The following SUSD5 variants were observed in gnomAD, a reference collection of about 807,000 sequenced individuals.
SUSD5 encodes sushi domain-containing protein 5.
Under a neutral mutation model 29.5 loss-of-function variants are expected in SUSD5, and 33 were observed. The observed-to-expected ratio is 1.12, with a 90% CI of 0.85 to 1.49. The LOEUF is 1.49. SUSD5 is among the 40% of genes most tolerant of loss of function. The pLI is 0.00. For synonymous variants in SUSD5, 308 were observed against 325.3 expected, an observed-to-expected ratio of 0.95 and a Z score of 0.57; for missense variants, 776 against 800.6, an observed-to-expected ratio of 0.97 and a Z score of 0.37.
intron 4 of SUSD5, among the ~76,000 whole-genome samples, 159 bp downstream of exon 4, chr3:33,174,727 G>A (rs141693082): frequency 2.4e-4 from 37 of 152,340 alleles, no homozygotes; most frequent in Non-Finnish European, 4.3e-4. Flanking sequence ...ATCCCCAAGT[G>A]GAGATGTTGC....
At chr3:33,206,955 C>T (rs2032232933) in intron 3 of SUSD5, among the ~76,000 whole-genome samples, 1 of 152,132 alleles carries the variant, frequency 6.6e-6, no homozygotes, top group African/African-American at 2.4e-5. Flanking sequence ...CAAGAAGAAC[C>T]TGTGCTCGTT....
At chr3:33,193,676 A>G (rs1185041149) in intron 3 of SUSD5, among the ~76,000 whole-genome samples, 1 of 151,996 alleles carries the variant, frequency 6.6e-6, no homozygotes, top group African/African-American at 2.4e-5. Flanking sequence ...TGAGGGTGAA[A>G]CCACCTTTGC....
At chr3:33,161,884 T>C (rs190593276) in intron 4 of SUSD5, among the ~76,000 whole-genome samples, 3 of 152,288 alleles carry the variant, frequency 2.0e-5, no homozygotes, top group Admixed American at 6.5e-5. Context: ...TCCATGATCA[T>C]AGTGAGATAT....
intron 1 of SUSD5, among the ~76,000 whole-genome samples, chr3:33,216,763 G>A (rs1284426085): frequency 1.3e-5 from 2 of 152,070 alleles, no homozygotes; most frequent in Middle Eastern, 3.4e-3. Flanking sequence ...TCTTCCTCCC[G>A]TCACCATAGC....
intron 3 of SUSD5, among the ~76,000 whole-genome samples, chr3:33,177,831 C>A (rs750346894): frequency 6.6e-6 from 1 of 152,048 alleles, no homozygotes; most frequent in East Asian, 1.9e-4. Context: ...GCAGAACGTG[C>A]GGGTTTGTTA....
Position 33,204,556 on chromosome 3 carries a change from C to T in SUSD5, c.409+3252G>A, listed in dbSNP as rs1340002585. Among the ~76,000 whole-genome samples the T allele has an allele frequency of 2.6e-5, 4 of 151,976 alleles. No homozygotes were observed. Among genetic ancestry groups the T allele is most frequent in the South Asian group, 2.1e-4 (1 of 4,824 alleles). On this transcript the variant is annotated intron_variant, in intron 3 of 4. Coordinates refer to ENST00000309558, the MANE Select transcript of SUSD5 (RefSeq NM_015551.2). The surrounding 1 kb of genome is among the most constrained non-coding windows in gnomAD (Gnocchi z 4.5). The stretch of plus-strand genomic sequence containing the variant: ...CAGGATGGTCTCGATCTCCTGACCT[C>T]GTGATACACCCACCTCGGCCTCCCA...
chr3:33,161,072 A>G (rs1559444717), intron 4 of SUSD5, among the ~76,000 whole-genome samples: 1 of 152,212 alleles, frequency 6.6e-6, no homozygotes, highest in South Asian at 2.1e-4. Context: ...GGAATTTCTT[A>G]CTCTATGAAA....
In SUSD5 at chr3:33,197,467, G is replaced by C. The variant is rs573971801; in HGVS notation, c.409+10341C>G. Among the ~76,000 whole-genome samples the C allele has an allele frequency of 2.6e-5, 4 of 152,074 alleles. No individual in the cohort carries two copies. In the East Asian group the frequency reaches 7.7e-4, roughly 29 times the overall value. On this transcript the variant is annotated intron_variant, in intron 3 of 4. Coordinates refer to ENST00000309558, the MANE Select transcript of SUSD5 (RefSeq NM_015551.2). ...TTCTTGTTCTTTTTTGTGTTTTAAA[G>C]TATTATTTATATAAATAAAATTCAT...
At chr3:33,180,707 G>C (rs916366783) in intron 3 of SUSD5, among the ~76,000 whole-genome samples, 2 of 151,974 alleles carry the variant, frequency 1.3e-5, no homozygotes, top group African/African-American at 4.8e-5. Context: ...AGGCGTGGTG[G>C]TGCATGCCTG....
At chr3:33,164,115 A>G (rs966632995) in intron 4 of SUSD5, among the ~76,000 whole-genome samples, 6 of 152,188 alleles carry the variant, frequency 3.9e-5, no homozygotes, top group Non-Finnish European at 8.8e-5. Flanking sequence ...TGGAGGTTGC[A>G]GTGAGCCAAG....
chr3:33,168,138 G>T lies in SUSD5; in HGVS notation c.598+6748C>A, dbSNP rs541873330. Among the ~76,000 whole-genome samples the T allele has an allele frequency of 4.6e-5, 7 of 152,312 alleles. No individual in the cohort carries two copies. The South Asian group carries it at 1.5e-3, about 32-fold the overall frequency. ...TTTATCAGAGTGGGATGTGGCTGGG[G>T]GCTGCAGGAGACAGGCCAGAGCCCA... On this transcript the variant is annotated intron_variant, in intron 4 of 4. Transcript: ENST00000309558.
chr3:33,196,895 A>AG (rs1240326547), intron 3 of SUSD5, among the ~76,000 whole-genome samples: 1 of 152,236 alleles, frequency 6.6e-6, no homozygotes, highest in African/African-American at 2.4e-5. Flanking sequence ...AAGCCTGTAG[A>AG]GTCTGGGTTT....
At position 33,152,996 on chromosome 3, in the gene SUSD5, C is replaced by G; in HGVS notation, c.1636G>C (p.Gly546Arg). The G allele has an allele frequency of 6.2e-7, 1 of 1,613,880 alleles. No individual in the cohort carries two copies. Among genetic ancestry groups the G allele is most frequent in the Non-Finnish European group, 8.5e-7 (1 of 1,179,828 alleles). Residue 546 changes from glycine to arginine, a missense_variant, in exon 5 of 5, where the codon GGC becomes CGC. Gly to Arg is a moderately radical substitution (Grantham distance 125). Coordinates refer to ENST00000309558, the MANE Select transcript of SUSD5 (RefSeq NM_015551.2). ...LLSEDFFGQE[G>R]PGPGASEELH... ...TCCTCACTTGCACCTGGCCCGGGGC[C>G]TTCCTGTCCAAAGAAGTCTTCAGAC...
At position 33,214,073 on chromosome 3, in the gene SUSD5, A is replaced by G. The variant is rs2032379092; in HGVS notation, c.145T>C (p.Ser49Pro). The change falls in exon 2 of 5, where the codon TCT becomes CCT. Residue 49 changes from serine (S) to proline (P), a missense_variant. Ser to Pro is a moderately conservative substitution (Grantham distance 74, BLOSUM62 -1). Coordinates refer to ENST00000309558, the MANE Select transcript of SUSD5 (RefSeq NM_015551.2). Reference protein sequence around the residue: ...KFFVLESQNGSQGLQLEAARL... With the variant: ...KFFVLESQNGPQGLQLEAARL... ...GCAGCCTCCAGTTGTAGGCCCTGAG[A>G]GCCATTCTGAGACTCCAGCACAAAG... The G allele has an allele frequency of 6.2e-7, 1 of 1,611,786 alleles. No individual in the cohort carries two copies. The highest frequency in any genetic ancestry group is 8.5e-7 in the Non-Finnish European group (1 of 1,178,960).
intron 4 of SUSD5, among the ~76,000 whole-genome samples, chr3:33,155,456 T>A (rs2031028529): frequency 1.3e-5 from 2 of 152,188 alleles, no homozygotes; most frequent in African/African-American, 4.8e-5. Flanking sequence ...ACAGCACTGT[T>A]AGTGGGAGTG....
intron 3 of SUSD5, among the ~76,000 whole-genome samples, chr3:33,191,340 C>A (rs901062821): frequency 1.3e-5 from 2 of 152,006 alleles, no homozygotes; most frequent in African/African-American, 4.8e-5. Context: ...CCGTGTTAGC[C>A]AGGATGGTCT....
intron 3 of SUSD5, among the ~76,000 whole-genome samples, chr3:33,182,997 G>C (rs570656879): frequency 6.6e-6 from 1 of 151,232 alleles, no homozygotes; most frequent in South Asian, 2.1e-4. Context: ...GGGTTTCACC[G>C]TGTTAGCCAG....
intron 1 of SUSD5, among the ~76,000 whole-genome samples, chr3:33,215,619 G>A (rs574143821): frequency 2.4e-4 from 36 of 152,068 alleles, no homozygotes; most frequent in African/African-American, 6.3e-4. Flanking sequence ...ATGCTTGTCC[G>A]AGATCACACA....
intron 3 of SUSD5, among the ~76,000 whole-genome samples, chr3:33,184,456 T>C (rs2031738960): frequency 6.6e-6 from 1 of 152,162 alleles, no homozygotes; most frequent in African/African-American, 2.4e-5. Context: ...AGATCTGTGG[T>C]TGGTTGTCCG....
Sources: gnomAD v4.1 joint callset for allele counts (sites outside exome capture counted in the v4.1 genomes callset) on GRCh38, gnomAD v4.1.1 for gene constraint, Gnocchi (gnomAD v3.1) non-coding constraint, MANE v1.5 for transcripts, NCBI Gene and HGNC (gene_info 2026-07-23, HGNC 2026-07-21) for gene names.